The following PDE4DIP variants were observed in gnomAD, a reference collection of about 807,000 sequenced individuals.
The protein encoded by PDE4DIP is phosphodiesterase 4D interacting protein, also known as myomegalin.
Under a neutral mutation model 221.4 loss-of-function variants are expected in PDE4DIP, and 59 were observed. The observed-to-expected ratio is 0.27, with a 90% CI of 0.22 to 0.33. The LOEUF is 0.33. PDE4DIP is among the 10% of genes least tolerant of loss of function. PDE4DIP has a pLI of 1.00. For missense variants in PDE4DIP, 1,036 were observed against 2,154.2 expected (o/e 0.48, Z 10.28); for synonymous variants, 404 against 815.9 (o/e 0.50, Z 8.60).
intron 1 of PDE4DIP, among the ~76,000 whole-genome samples, chr1:148,814,014 A>G (rs1266712281): frequency 4.7e-5 from 1 of 21,336 alleles, no homozygotes; most frequent in Non-Finnish European, 8.5e-5. Flanking sequence ...GTGCAGTGGC[A>G]CAATCTTGGC....
intron 21 of PDE4DIP, among the ~76,000 whole-genome samples, chr1:148,988,022 C>T (rs1476911129): frequency 1.3e-5 from 2 of 152,186 alleles, no homozygotes; most frequent in African/African-American, 2.4e-5. Context: ...GGCACCTATT[C>T]CAAAGAGTTC....
chr1:149,019,520 T>A (rs2071912890), intron 35 of PDE4DIP: 1 of 152,142 alleles, frequency 6.6e-6, no homozygotes, highest in South Asian at 2.1e-4. Context: ...AGGTCACTGC[T>A]GGGGGACGAT....
At chr1:148,934,389 G>A (rs2048732503) in intron 4 of PDE4DIP, among the ~76,000 whole-genome samples, 1 of 151,714 alleles carries the variant, frequency 6.6e-6, no homozygotes, top group Non-Finnish European at 1.5e-5. Context: ...ATAAATTGAG[G>A]CCACTCATCA....
intron 23 of PDE4DIP, among the ~76,000 whole-genome samples, chr1:149,000,361 C>A (rs2065334720): frequency 6.6e-6 from 1 of 152,120 alleles, no homozygotes; most frequent in South Asian, 2.1e-4. Flanking sequence ...TCGAGACCAG[C>A]CTGCCCAACA....
chr1:149,009,586 G>A lies in PDE4DIP; in HGVS notation c.4722G>A (p.Gln1574=), dbSNP rs782526876. The A allele has an allele frequency of 6.8e-6, 11 of 1,608,162 alleles. No homozygotes were observed. The Admixed American group carries it at 1.8e-4, about 27-fold the overall frequency. The change falls in exon 30 of 44, where the codon CAG becomes CAA. Residue 1574 remains glutamine (Q), a synonymous_variant. Coordinates refer to ENST00000369354, the Ensembl canonical transcript of PDE4DIP. ...CCACCAGGCTCAGCAGGGAGCTGCA[G>A]GAGAAGGAGAAAGTGATTGAAGTCC...
At chr1:148,962,972 A>C (rs1478803578) in intron 9 of PDE4DIP, among the ~76,000 whole-genome samples, 6 of 152,310 alleles carry the variant, frequency 3.9e-5, no homozygotes, top group African/African-American at 4.8e-5. Context: ...CGCTCACTGC[A>C]ACCTCCGCCT....
chr1:148,844,431 C>CT (rs1675915785), intron 1 of PDE4DIP: 1 of 221,252 alleles, frequency 4.5e-6, no homozygotes, highest in African/African-American at 2.5e-5. Context: ...GCCAGCCAGT[C>CT]GTGTCTCAGC....
chr1:148,981,218 C>G (rs1553542513), intron 20 of PDE4DIP, 52 bp from the exon 24 acceptor site: 1 of 1,576,012 alleles, frequency 6.3e-7, no homozygotes, highest in Non-Finnish European at 8.7e-7. Context: ...AATGTGGACT[C>G]ACTACAGTTG....
rs587680359 is a variant in PDE4DIP, at chr1:148,962,392, C to T, written c.982-36C>T. 35 of 1,221,010 alleles carry T rather than the reference C, an allele frequency of 2.9e-5. No homozygotes were observed. The African/African-American group carries it at 4.5e-4, about 16-fold the overall frequency. The allele number at this position is 1,221,010 out of a possible 1,614,324, so 75.6% of individuals were successfully genotyped here. A position where few individuals can be genotyped will look rare whatever the true frequency, so the allele number is the denominator to read the frequency against. ...AGTCTTTGTGGGAGCTCAGTGCTTG[C>T]CCTCCTTGTGATTGTGATTTCTACT... On this transcript the variant is annotated intron_variant, in intron 8 of 43. Coordinates refer to ENST00000369354, the Ensembl canonical transcript of PDE4DIP.
chr1:148,961,393 A>G (rs1553509776), intron 6 of PDE4DIP, among the ~76,000 whole-genome samples: 1 of 152,146 alleles, frequency 6.6e-6, no homozygotes, highest in Non-Finnish European at 1.5e-5. Flanking sequence ...ACTTGTTACT[A>G]CTTTCTAGCC....
intron 43 of PDE4DIP, chr1:149,030,707 T>G (rs2076492314): frequency 2.0e-6 from 2 of 984,318 alleles, no homozygotes; most frequent in African/African-American, 3.5e-5. Context: ...CCTAATAAAC[T>G]GATTTCACTG....
At chr1:148,981,318 G>C in exon 21 of PDE4DIP, 1 of 1,613,988 alleles carries the variant, frequency 6.2e-7, no homozygotes, top group South Asian at 1.1e-5. Flanking sequence ...GGGCTCAGGT[G>C]TTACGCAGTC....
Position 148,941,461 on chromosome 1 carries a change from C to T in PDE4DIP, c.636+3597C>T, listed in dbSNP as rs1553479743. On this transcript the variant is annotated intron_variant, in intron 5 of 43. Transcript: ENST00000369354. ...AGCTAAGGGCTTCATGTTGTAGGCACCAGAAAAAAAAAAAGCAAGGGGAAT... is the reference window on the plus strand; with the variant it reads ...AGCTAAGGGCTTCATGTTGTAGGCATCAGAAAAAAAAAAAGCAAGGGGAAT... Among the ~76,000 whole-genome samples, 2 of 136,148 alleles carry T rather than the reference C, an allele frequency of 1.5e-5. 1 individual carries two copies. The highest frequency in any genetic ancestry group is 3.1e-5 in the Non-Finnish European group (2 of 63,800). The allele number at this position is 136,148 out of a possible 152,430, so 89.3% of individuals were successfully genotyped here. A position where few individuals can be genotyped will look rare whatever the true frequency, so the allele number is the denominator to read the frequency against.
chr1:148,948,380 G>C (rs1285194726), intron 5 of PDE4DIP, among the ~76,000 whole-genome samples: 2 of 151,678 alleles, frequency 1.3e-5, no homozygotes, highest in African/African-American at 2.4e-5. Flanking sequence ...ATCCTAAGGT[G>C]GGGCGCAGTG....
chr1:149,023,950 AAG>A (rs67572824), intron 37 of PDE4DIP, among the ~76,000 whole-genome samples: 20,125 of 150,472 alleles, frequency 0.13, 1,409 homozygotes, highest in Middle Eastern at 0.19. Context: ...GAGAGAGAGA[AAG>A]AGAGAGAGAG....
At chr1:148,923,904 A>C (rs1553463963) in intron 1 of PDE4DIP, among the ~76,000 whole-genome samples, 1 of 149,384 alleles carries the variant, frequency 6.7e-6, no homozygotes, top group African/African-American at 2.5e-5. Context: ...AGTTGAAGTA[A>C]TTTACACAAA....
chr1:149,009,773 G>A, exon 30 of PDE4DIP: 5 of 1,601,814 alleles, frequency 3.1e-6, no homozygotes, highest in Non-Finnish European at 4.3e-6. Flanking sequence ...AGAGAAGAAA[G>A]CTTCTCCCAG....
chr1:148,972,258 A>G (rs782259161), exon 15 of PDE4DIP: 3 of 1,599,798 alleles, frequency 1.9e-6, no homozygotes, highest in African/African-American at 2.7e-5. Flanking sequence ...TTTAGGAGGG[A>G]GAGACTCCCT....
chr1:148,905,152 T>C (rs1553449130), intron 1 of PDE4DIP, among the ~76,000 whole-genome samples: 1 of 143,130 alleles, frequency 7.0e-6, no homozygotes, highest in African/African-American at 2.6e-5. Context: ...GTTGTATCTT[T>C]CCAGGAATTT....
Sources: allele counts gnomAD v4.1 joint callset (sites outside exome capture counted in the v4.1 genomes callset), GRCh38; gene constraint gnomAD v4.1.1; transcripts MANE v1.5; gene names NCBI Gene and HGNC (gene_info 2026-07-23, HGNC 2026-07-21).